Variants in BORA observed in about 807,000 individuals in gnomAD.
BORA encodes the protein BORA aurora kinase A activator.
Under a neutral mutation model 55.8 loss-of-function variants are expected in BORA, and 26 were observed. The observed-to-expected ratio is 0.47, with a 90% confidence interval of 0.34 to 0.65. The LOEUF (loss-of-function observed/expected upper bound fraction) is 0.65. Among genes scored for constraint, BORA ranks in the 30% least tolerant of loss-of-function variants. BORA has a pLI of 0.01. For missense variants in BORA, 568 were observed against 671.5 expected (o/e 0.85, Z 1.70); for synonymous variants, 201 against 216.9 (o/e 0.93, Z 0.64).
chr13:72,745,974 A>C lies in BORA; in HGVS notation c.769A>C (p.Ser257Arg). 6.2e-7 allele frequency: 1 copy of C among 1,612,938 alleles called. No homozygotes were observed. The highest frequency in any genetic ancestry group is 1.1e-5 in the South Asian group (1 of 90,984). ...GTTTTCTTCTAGCCCTATTCAGGCTAGTGCAAAAAAATACAGCTTGGGAAG... is the reference window on the plus strand; with the variant it reads ...GTTTTCTTCTAGCCCTATTCAGGCTCGTGCAAAAAAATACAGCTTGGGAAG... ...GQFSSSPIQA[S>R]AKKYSLGSIT... The change falls in exon 9 of 12, where the codon AGT becomes CGT. Residue 257 changes from serine (S) to arginine (R), a missense_variant. By Grantham distance (110) the Ser-to-Arg change is moderately radical. Coordinates refer to ENST00000390667, the MANE Select transcript of BORA (RefSeq NM_024808.5).
At chr13:72,738,176 C>T in intron 5 of BORA, 133 bp downstream of exon 5, 1 of 423,602 alleles carries the variant, frequency 2.4e-6, no homozygotes, top group East Asian at 5.0e-5. Context: ...GAATTTAACT[C>T]CTTTTAGGGT....
At chr13:72,741,889 CTTG>C (rs1264669223) in intron 5 of BORA, among the ~76,000 whole-genome samples, 1 of 152,032 alleles carries the variant, frequency 6.6e-6, no homozygotes, top group Non-Finnish European at 1.5e-5. Flanking sequence ...ATACCTGTTT[CTTG>C]TTTGTTTGTT....
intron 11 of BORA, chr13:72,754,438 T>TTC (rs1380034436): frequency 1.3e-5 from 2 of 152,310 alleles, no homozygotes; most frequent in Non-Finnish European, 2.9e-5. Context: ...CCCTCCTGAG[T>TTC]AGCTAGAACT....
chr13:72,736,815 TATTG>T (rs2032937479), intron 4 of BORA, among the ~76,000 whole-genome samples: 4 of 152,076 alleles, frequency 2.6e-5, no homozygotes, highest in Admixed American at 2.6e-4. Flanking sequence ...ATATCTCCAA[TATTG>T]ATTATTATCA....
At chr13:72,744,339 T>C (rs2138082680) in intron 6 of BORA, among the ~76,000 whole-genome samples, 166 bp from the exon 7 acceptor site, 1 of 152,330 alleles carries the variant, frequency 6.6e-6, no homozygotes, top group Middle Eastern at 3.4e-3. Context: ...AAACCACTTC[T>C]AGAAAGGTGG....
Position 72,727,971 on chromosome 13 carries a change from T to C in BORA, c.-52T>C. The C allele has an allele frequency of 6.4e-7, 1 of 1,550,592 alleles. No homozygotes were observed. Among genetic ancestry groups the C allele is most frequent in the South Asian group, 1.2e-5 (1 of 84,066 alleles). On this transcript the variant is annotated 5_prime_UTR_variant, in exon 1 of 12. Coordinates refer to ENST00000390667, the MANE Select transcript of BORA (RefSeq NM_024808.5). Reference sequence around the variant, plus strand: ...AGCTGGCCTGGCCCCCGGAGCTCCCTGGAGTCGGTACTGGGGGCTTCGTTT... The same window carrying C: ...AGCTGGCCTGGCCCCCGGAGCTCCCCGGAGTCGGTACTGGGGGCTTCGTTT...
intron 10 of BORA, chr13:72,753,115 T>C (rs2033323431): frequency 6.6e-6 from 1 of 152,268 alleles, no homozygotes; most frequent in African/African-American, 2.4e-5. Flanking sequence ...CTGGCCTTTT[T>C]AGACACTCAA....
chr13:72,735,889 G>A (rs912625572), intron 4 of BORA, among the ~76,000 whole-genome samples: 2 of 152,186 alleles, frequency 1.3e-5, no homozygotes, highest in African/African-American at 4.8e-5. Context: ...GATTACAGGC[G>A]TGAGCCACTG....
intron 2 of BORA, among the ~76,000 whole-genome samples, chr13:72,730,918 A>C (rs1195313475): frequency 6.7e-6 from 1 of 149,796 alleles, no homozygotes; most frequent in Non-Finnish European, 1.5e-5. Context: ...AAATACAAAA[A>C]TTAGCTGGGT....
chr13:72,728,354 T>C, intron 1 of BORA: 1 of 601,564 alleles, frequency 1.7e-6, no homozygotes, highest in Non-Finnish European at 3.0e-6. Context: ...AAAGGAGGAT[T>C]TTTGGAGGAA....
chr13:72,746,890 T>C lies in BORA; in HGVS notation c.1261T>C (p.Leu421=), dbSNP rs762807687. 9.9e-6 allele frequency: 16 copies of C among 1,614,018 alleles called. No homozygotes were observed. In the African/African-American group the frequency reaches 1.7e-4, roughly 18 times the overall value. ...TGCTTCTGAGAAAGAATTAGCACTG[T>C]TGCAGGATGTTGAAAGGGAGAAAGA... ...SSASEKELAL[L]QDVEREKDNN... The change falls in exon 10 of 12, where the codon TTG becomes CTG. Residue 421 remains leucine (L), a synonymous_variant. Transcript: ENST00000390667.
At chr13:72,735,152 C>T (rs891035382) in intron 4 of BORA, 147 bp downstream of exon 4, 8 of 634,060 alleles carry the variant, frequency 1.3e-5, no homozygotes, top group Admixed American at 5.9e-5. Flanking sequence ...AAGCACCCTT[C>T]TGTACTGTCC....
chr13:72,756,034 A>G lies in BORA; in HGVS notation c.*818A>G, dbSNP rs993215436. On this transcript the variant is annotated 3_prime_UTR_variant, in exon 12 of 12. Transcript: ENST00000390667. ...TGAAGTAACACTGGGGCAGATATGTATGTTATATACAACTATTTTTTTAAA... is the reference window on the plus strand; with the variant it reads ...TGAAGTAACACTGGGGCAGATATGTGTGTTATATACAACTATTTTTTTAAA... 5.0e-6 allele frequency: 2 copies of G among 398,322 alleles called. No individual in the cohort carries two copies. Among genetic ancestry groups the G allele is most frequent in the Non-Finnish European group, 8.9e-6 (2 of 225,960 alleles). 24.7% of individuals were successfully genotyped at this position (398,322 alleles called of 1,614,324 possible).
At chr13:72,731,012 G>A (rs1193823968) in intron 2 of BORA, among the ~76,000 whole-genome samples, 1 of 152,034 alleles carries the variant, frequency 6.6e-6, no homozygotes, top group Non-Finnish European at 1.5e-5. Flanking sequence ...AGGTTGCAGT[G>A]AGCTGAGATT....
In BORA at chr13:72,744,984, ACT is replaced by A; in HGVS notation, c.516_517del (p.Asp172GlufsTer3). 3 of 1,612,810 alleles carry A rather than the reference ACT, an allele frequency of 1.9e-6. No individual in the cohort carries two copies. Among genetic ancestry groups the A allele is most frequent in the Non-Finnish European group, 2.5e-6 (3 of 1,179,100 alleles). ...TTTCTCCTATTATTAAATATAGGTG[ACT>A]ATTTTAGAGCTGATGAATTTGCAGA... is the stretch of plus-strand genomic sequence containing the variant. On this transcript the variant is annotated frameshift_variant, in exon 8 of 12. Transcript: ENST00000390667. LOFTEE classifies it high-confidence loss of function.
chr13:72,746,502 A>G lies in BORA; in HGVS notation c.873A>G (p.Glu291=). ...EFQIGETPLS[E]QRKFTVHSPD... Reference sequence around the variant, plus strand: ...TTTTTTTCCCTTCCCACCTTTCAGAACAAAGGAAGTTTACTGTTCATTCTC... The same window carrying G: ...TTTTTTTCCCTTCCCACCTTTCAGAGCAAAGGAAGTTTACTGTTCATTCTC... The change falls in exon 10 of 12, where the codon GAA becomes GAG. Residue 291 remains glutamate, a splice_region_variant and synonymous_variant. Transcript: ENST00000390667. The G allele has an allele frequency of 6.2e-7, 1 of 1,605,042 alleles. No homozygotes were observed. The highest frequency in any genetic ancestry group is 8.5e-7 in the Non-Finnish European group (1 of 1,173,922).
At chr13:72,743,709 C>CTTTT (rs34245891) in intron 6 of BORA, 107 bp downstream of exon 6, 4 of 605,314 alleles carry the variant, frequency 6.6e-6, no homozygotes, top group Admixed American at 4.4e-5. Context: ...AAATTGTTTC[C>CTTTT]TTTTTTTTTT....
chr13:72,747,415 T>C (rs989306146), intron 10 of BORA, among the ~76,000 whole-genome samples: 1 of 152,182 alleles, frequency 6.6e-6, no homozygotes, highest in Non-Finnish European at 1.5e-5. Flanking sequence ...GATTCATCAC[T>C]GTTTCATGTG....
At chr13:72,731,530 A>T (rs1435060026) in intron 3 of BORA, 143 bp downstream of exon 3, 3 of 657,548 alleles carry the variant, frequency 4.6e-6, no homozygotes, top group Non-Finnish European at 8.0e-6. Flanking sequence ...TAAATGAATG[A>T]GTTCAAAGAA....
Sources: gnomAD v4.1 joint callset for allele counts (sites outside exome capture counted in the v4.1 genomes callset) on GRCh38, gnomAD v4.1.1 for gene constraint, MANE v1.5 for transcripts, NCBI Gene and HGNC (gene_info 2026-07-23, HGNC 2026-07-21) for gene names.